The following NTM variants were observed in gnomAD, a reference collection of about 807,000 sequenced individuals.
NTM encodes IgLON family member 2.
NTM carries 13 observed loss-of-function variants against 42.1 expected under a neutral mutation model. The observed-to-expected ratio is 0.31, with a 90% CI of 0.20 to 0.49. NTM has a LOEUF of 0.49. Among genes scored for constraint, NTM ranks in the 20% least tolerant of loss-of-function variants. NTM has a pLI of 0.99. For missense variants in NTM, 373 were observed against 452.8 expected (o/e 0.82, Z 1.60); for synonymous variants, 187 against 179.2 (o/e 1.04, Z -0.35).
chr11:131,759,151 G>C (rs1297053541), intron 1 of NTM, among the ~76,000 whole-genome samples: 1 of 152,166 alleles, frequency 6.6e-6, no homozygotes, highest in African/African-American at 2.4e-5. Context: ...ATTATGAGAA[G>C]GTTGACAGCT....
chr11:131,839,587 G>C (rs1354777043), intron 1 of NTM, among the ~76,000 whole-genome samples: 2 of 152,256 alleles, frequency 1.3e-5, no homozygotes, highest in East Asian at 1.9e-4. Flanking sequence ...AAGATAACAG[G>C]ACACCAGAAA....
chr11:131,542,251 T>A lies in NTM; in HGVS notation c.82+171363T>A, dbSNP rs190300256. Among the ~76,000 whole-genome samples the A allele has an allele frequency of 8.1e-4, 124 of 152,326 alleles. 1 individual carries two copies. Among genetic ancestry groups the A allele is most frequent in the Non-Finnish European group, 1.2e-3 (84 of 68,036 alleles). On this transcript the variant is annotated intron_variant, in intron 1 of 8. Transcript: ENST00000683400. ...AAGGCCTCAGAGTTAGCTTTTGAGA[T>A]GAGCCTTGAAGCTGCATAAATTTTT...
At chr11:131,733,180 C>T (rs552867589) in intron 1 of NTM, among the ~76,000 whole-genome samples, 1 of 151,922 alleles carries the variant, frequency 6.6e-6, no homozygotes, top group Admixed American at 6.6e-5. Flanking sequence ...AATATTTAAA[C>T]CTTGGTTTAA....
chr11:131,428,358 C>T (rs532125963), intron 1 of NTM, among the ~76,000 whole-genome samples: 1 of 152,346 alleles, frequency 6.6e-6, no homozygotes, highest in African/African-American at 2.4e-5. Flanking sequence ...CTGCATCCAA[C>T]CTGGGCCAGT....
intron 1 of NTM, among the ~76,000 whole-genome samples, chr11:131,409,369 G>A (rs1158395499): frequency 1.3e-5 from 2 of 152,348 alleles, no homozygotes; most frequent in East Asian, 3.9e-4. Context: ...TTGGAGGGAG[G>A]AAACCTGGAG....
intron 1 of NTM, among the ~76,000 whole-genome samples, chr11:131,637,030 G>A (rs993871990): frequency 6.6e-6 from 1 of 152,168 alleles, no homozygotes; most frequent in Non-Finnish European, 1.5e-5. Flanking sequence ...TGTGTCCAGA[G>A]AAGTCCCCTG....
chr11:132,238,377 G>T (rs76702126), intron 4 of NTM, among the ~76,000 whole-genome samples: 3,595 of 152,226 alleles, frequency 0.024, 112 homozygotes, highest in African/African-American at 0.074. Flanking sequence ...CCTGGGAAGA[G>T]GCAAAGGTGA....
Position 132,279,407 on chromosome 11 carries a change from C to G in NTM, c.527-28282C>G, listed in dbSNP as rs557771581. Among the ~76,000 whole-genome samples the G allele has an allele frequency of 3.3e-5, 5 of 152,272 alleles. No homozygotes were observed. In the South Asian group the frequency reaches 1.0e-3, roughly 32 times the overall value. The stretch of plus-strand genomic sequence containing the variant: ...CACAGAGATCTGTTCATGTGACTCT[C>G]GCTCCAATCTTGCAGATGATCATCC... On this transcript the variant is annotated intron_variant, in intron 4 of 8. Transcript: ENST00000683400.
intron 2 of NTM, among the ~76,000 whole-genome samples, chr11:131,964,667 G>T (rs998236422): frequency 2.6e-5 from 4 of 152,134 alleles, no homozygotes; most frequent in African/African-American, 9.7e-5. Context: ...AGGCATCATT[G>T]TCCCTGTGAT....
intron 3 of NTM, among the ~76,000 whole-genome samples, chr11:132,160,429 G>T (rs2074040395): frequency 6.6e-6 from 1 of 152,164 alleles, no homozygotes; most frequent in African/African-American, 2.4e-5. Context: ...CACATGAAAT[G>T]CCTGCCTCAT....
At chr11:131,871,521 A>G (rs2047780461) in intron 1 of NTM, among the ~76,000 whole-genome samples, 1 of 152,250 alleles carries the variant, frequency 6.6e-6, no homozygotes. Context: ...CTATGATGAT[A>G]CAACTATAGC....
chr11:131,672,057 C>A (rs995959126), intron 1 of NTM, among the ~76,000 whole-genome samples: 1 of 152,252 alleles, frequency 6.6e-6, no homozygotes, highest in Admixed American at 6.5e-5. Flanking sequence ...GTGCACATCC[C>A]TTTCTCTTTG....
intron 7 of NTM, among the ~76,000 whole-genome samples, chr11:132,323,802 C>A (rs573330559): frequency 2.0e-5 from 3 of 151,874 alleles, no homozygotes; most frequent in Non-Finnish European, 4.4e-5. Context: ...CTGAATCCAG[C>A]AGCACATCAA....
chr11:131,785,424 T>A (rs1033236366), intron 1 of NTM, among the ~76,000 whole-genome samples: 14 of 152,354 alleles, frequency 9.2e-5, no homozygotes, highest in African/African-American at 3.4e-4. Flanking sequence ...TTCTTCTAAA[T>A]GTCCGAGAAA....
At chr11:131,987,153 G>A (rs2066196202) in intron 2 of NTM, among the ~76,000 whole-genome samples, 1 of 152,234 alleles carries the variant, frequency 6.6e-6, no homozygotes, top group South Asian at 2.1e-4. Context: ...GCAGTTATTT[G>A]TCTAAAGTTG....
chr11:131,514,830 G>A (rs1027341530), intron 1 of NTM, among the ~76,000 whole-genome samples: 2 of 152,096 alleles, frequency 1.3e-5, no homozygotes, highest in Non-Finnish European at 2.9e-5. Context: ...AGGCTCAAAC[G>A]ATCCTACTGC....
rs1478594419 is a variant in NTM at position 131,399,770 on chromosome 11, G to C, written c.82+28882G>C. Among the ~76,000 whole-genome samples the C allele has an allele frequency of 2.0e-5, 3 of 152,210 alleles. No individual in the cohort carries two copies. In the East Asian group the frequency reaches 5.8e-4, roughly 30 times the overall value. ...GGGGAAAGCACAATGTAGGACTCTT[G>C]GGACTCTGCACCTGACTGGCTGGCT... is the stretch of plus-strand genomic sequence containing the variant. On this transcript the variant is annotated intron_variant, in intron 1 of 8. Coordinates refer to ENST00000683400, the MANE Select transcript of NTM (RefSeq NM_001352005.2).
At chr11:131,529,911 C>T (rs402049) in intron 1 of NTM, among the ~76,000 whole-genome samples, 18,991 of 152,106 alleles carry the variant, frequency 0.12, 1,325 homozygotes, top group Middle Eastern at 0.2. Context: ...CTCCCCCAGC[C>T]TATAATCTAA....
chr11:131,556,666 T>G (rs528265173), intron 1 of NTM, among the ~76,000 whole-genome samples: 48 of 151,194 alleles, frequency 3.2e-4, no homozygotes, highest in African/African-American at 1.0e-3. Flanking sequence ...CTCCCAGGTT[T>G]AAGTGATTCT....
Sources: allele counts gnomAD v4.1 joint callset (sites outside exome capture counted in the v4.1 genomes callset), GRCh38; gene constraint gnomAD v4.1.1; transcripts MANE v1.5; gene names NCBI Gene and HGNC (gene_info 2026-07-23, HGNC 2026-07-21).